The following ASXL2 variants were observed in gnomAD, a reference collection of about 807,000 sequenced individuals.
ASXL2 encodes putative Polycomb group protein ASXL2.
A neutral mutation model predicts 122.0 loss-of-function variants in ASXL2; 23 were observed. The observed-to-expected ratio is 0.19, with a 90% CI of 0.14 to 0.27. The LOEUF (loss-of-function observed/expected upper bound fraction) is 0.27. Ranked by LOEUF, ASXL2 falls within the 10% of genes least tolerant of loss-of-function variation. The pLI is 1.00. For missense variants in ASXL2, 1,518 were observed against 1,713.8 expected, an observed-to-expected ratio of 0.89 and a Z score of 2.02; for synonymous variants, 650 against 637.0, an observed-to-expected ratio of 1.02 and a Z score of -0.31.
chr2:25,759,345 T>C (rs2088197642), intron 9 of ASXL2, 137 bp downstream of exon 9: 3 of 863,678 alleles, frequency 3.5e-6, no homozygotes, highest in Non-Finnish European at 1.7e-6. Context: ...AATTTTTTTT[T>C]CCTAAGCCTT....
chr2:25,835,555 C>T lies in ASXL2; in HGVS notation c.141-15G>A. 3.4e-6 allele frequency: 1 copy of T among 290,696 alleles called. No homozygotes were observed. Among genetic ancestry groups the T allele is most frequent in the South Asian group, 2.9e-5 (1 of 34,822 alleles). 18.0% of individuals were successfully genotyped at this position (290,696 alleles called of 1,614,324 possible). On this transcript the variant is annotated splice_polypyrimidine_tract_variant and intron_variant, in intron 2 of 12. Transcript: ENST00000435504. ...CTTCTTACCTTCTGGAGTTGGAATG[C>T]AGTGCAGGAAAATGAAAGAAGGAAA... is the stretch of plus-strand genomic sequence containing the variant.
chr2:25,832,553 A>T (rs531524909), intron 3 of ASXL2, among the ~76,000 whole-genome samples: 1 of 152,242 alleles, frequency 6.6e-6, no homozygotes, highest in East Asian at 1.9e-4. Context: ...TTAAAAGGCA[A>T]GGATTGGCAG....
chr2:25,802,781 T>C (rs1374664040), intron 4 of ASXL2, among the ~76,000 whole-genome samples: 1 of 152,164 alleles, frequency 6.6e-6, no homozygotes, highest in East Asian at 1.9e-4. Context: ...TAATCAGTCA[T>C]ATGTGCTGAA....
intron 5 of ASXL2, among the ~76,000 whole-genome samples, chr2:25,791,190 C>T (rs1433085133): frequency 6.6e-6 from 1 of 151,864 alleles, no homozygotes; most frequent in African/African-American, 2.4e-5. Context: ...CCTTAATTTT[C>T]CTAAGAAACT....
At chr2:25,781,958 GC>G (rs1336961276) in intron 5 of ASXL2, among the ~76,000 whole-genome samples, 10 of 58,544 alleles carry the variant, frequency 1.7e-4, no homozygotes, top group East Asian at 7.1e-4. Context: ...CACCGCCCGG[GC>G]TTTTTTCTTT....
intron 3 of ASXL2, chr2:25,822,894 G>T (rs548841436): frequency 1.8e-6 from 1 of 546,858 alleles, no homozygotes; most frequent in East Asian, 5.0e-5. Context: ...AGAAGTAGAT[G>T]GAGCAGGTGA....
At chr2:25,855,148 A>AT (rs1261896974) in intron 1 of ASXL2, among the ~76,000 whole-genome samples, 3 of 152,198 alleles carry the variant, frequency 2.0e-5, no homozygotes. Context: ...AATAGCAAAG[A>AT]TTTTTAAACT....
intron 1 of ASXL2, among the ~76,000 whole-genome samples, chr2:25,847,512 A>G (rs2089662476): frequency 6.6e-6 from 1 of 152,210 alleles, no homozygotes; most frequent in Non-Finnish European, 1.5e-5. Context: ...TTAAAAAACT[A>G]TTAAAAACTT....
intron 5 of ASXL2, 110 bp downstream of exon 5, chr2:25,799,275 G>A (rs970183609): frequency 3.5e-6 from 5 of 1,442,600 alleles, no homozygotes; most frequent in Non-Finnish European, 4.8e-6. Flanking sequence ...CTGTTATAGA[G>A]GGTAAGGGAA....
intron 1 of ASXL2, among the ~76,000 whole-genome samples, chr2:25,867,806 T>C (rs767356893): frequency 3.3e-5 from 5 of 152,196 alleles, no homozygotes; most frequent in Non-Finnish European, 7.3e-5. Flanking sequence ...CAGTCTTTCC[T>C]CTTTTCAGCT....
In ASXL2 at chr2:25,734,299, G is replaced by T. The variant is rs1039255837; in HGVS notation, c.*7730C>A. On this transcript the variant is annotated 3_prime_UTR_variant, in exon 13 of 13. Coordinates refer to ENST00000435504, the MANE Select transcript of ASXL2 (RefSeq NM_018263.6). ...AGGGGTAACCAAATCCAAGACTCTG[G>T]AAGCATCTGATTAACTTAAAATGTG... 6.6e-6 allele frequency: 1 copy of T among 152,084 alleles called. No homozygotes were observed. The highest frequency in any genetic ancestry group is 1.5e-5 in the Non-Finnish European group (1 of 68,008). The allele number at this position is 152,084 out of a possible 1,614,324, so 9.4% of individuals were successfully genotyped here.
rs182142690 is a variant in ASXL2, at chr2:25,874,807, T to C, written c.57+3359A>G. 3.7e-3 allele frequency among the ~76,000 whole-genome samples: 563 copies of C among 152,214 alleles called. 1 individual carries two copies. The Middle Eastern group carries it at 0.048, about 13-fold the overall frequency. On this transcript the variant is annotated intron_variant, in intron 1 of 12. Coordinates refer to ENST00000435504, the MANE Select transcript of ASXL2 (RefSeq NM_018263.6). The stretch of plus-strand genomic sequence containing the variant: ...AAAATTTAAAACATGCAGCTGAGTA[T>C]AGTGGACCACGCCTATAATATCAGC...
chr2:25,834,250 G>A (rs1206220418), intron 3 of ASXL2, among the ~76,000 whole-genome samples: 1 of 151,956 alleles, frequency 6.6e-6, no homozygotes, highest in Non-Finnish European at 1.5e-5. Context: ...CTACAAGGGA[G>A]GCTGAAACAG....
Position 25,737,575 on chromosome 2 carries a change from A to C in ASXL2, c.*4454T>G, listed in dbSNP as rs1218138059. On this transcript the variant is annotated 3_prime_UTR_variant, in exon 13 of 13. Transcript: ENST00000435504. ...TCCTCATTTTACTCTCTTCCATACA[A>C]TCTGTGGGAACCATCCCATAGGAGT... 2 of 152,126 alleles carry C rather than the reference A, an allele frequency of 1.3e-5. No individual in the cohort carries two copies. The highest frequency in any genetic ancestry group is 1.3e-4 in the Admixed American group (2 of 15,268). 9.4% of individuals were successfully genotyped at this position (152,126 alleles called of 1,614,324 possible).
At chr2:25,765,274 A>G (rs2088324760) in intron 8 of ASXL2, among the ~76,000 whole-genome samples, 1 of 152,106 alleles carries the variant, frequency 6.6e-6, no homozygotes, top group South Asian at 2.1e-4. Flanking sequence ...TCACGAGGTC[A>G]GGAGATCAAG....
Position 25,804,175 on chromosome 2 carries a change from CTAA to C in ASXL2, c.252+2051_252+2053del, listed in dbSNP as rs528833493. 1.2e-4 allele frequency among the ~76,000 whole-genome samples: 18 copies of C among 152,288 alleles called. No individual in the cohort carries two copies. The East Asian group carries it at 3.5e-3, about 29-fold the overall frequency. ...AGGTGGGTAGGTAGGTTAGATCTTT[CTAA>C]TGTTAGGCTCTACACAACCATTGGG... On this transcript the variant is annotated intron_variant, in intron 4 of 12. Transcript: ENST00000435504.
chr2:25,866,234 G>A (rs562377612), intron 1 of ASXL2, among the ~76,000 whole-genome samples: 2 of 151,518 alleles, frequency 1.3e-5, no homozygotes, highest in South Asian at 2.1e-4. Context: ...GGGTTCAAGC[G>A]ATTCTCCTGC....
intron 1 of ASXL2, chr2:25,856,782 G>A (rs2089784508): frequency 1.6e-6 from 2 of 1,278,278 alleles, no homozygotes; most frequent in East Asian, 2.3e-5. Flanking sequence ...AAAGGACTGG[G>A]CAATCCTCTT....
At chr2:25,835,964 G>A (rs981650424) in intron 2 of ASXL2, among the ~76,000 whole-genome samples, 1 of 152,148 alleles carries the variant, frequency 6.6e-6, no homozygotes, top group Non-Finnish European at 1.5e-5. Context: ...ACATAATGGA[G>A]CTCTTATGGA....
Sources: gnomAD v4.1 joint callset for allele counts (sites outside exome capture counted in the v4.1 genomes callset) on GRCh38, gnomAD v4.1.1 for gene constraint, MANE v1.5 for transcripts, NCBI Gene and HGNC (gene_info 2026-07-23, HGNC 2026-07-21) for gene names.